Variants in GPHN observed in about 807,000 individuals in gnomAD.
GPHN encodes gephyrin.
A neutral mutation model predicts 95.5 loss-of-function variants in GPHN; 17 were observed. The ratio of observed to expected loss-of-function variants is 0.18; its 90% CI spans 0.12 to 0.27. The LOEUF (loss-of-function observed/expected upper bound fraction) is 0.27, where lower values mean the gene tolerates loss of function less well. Ranked by LOEUF, GPHN falls within the 10% of genes least tolerant of loss-of-function variation. The pLI is 1.00. For synonymous variants in GPHN, 320 were observed against 322.5 expected (o/e 0.99, Z 0.08); for missense variants, 660 against 978.1 (o/e 0.67, Z 4.34).
intron 13 of GPHN, among the ~76,000 whole-genome samples, chr14:67,103,612 T>C (rs1032959186): frequency 6.6e-6 from 1 of 150,934 alleles, no homozygotes; most frequent in Admixed American, 6.6e-5. Flanking sequence ...TGGCTAAATT[T>C]ATTCCTAAAT....
At chr14:66,986,869 T>C (rs1356007791) in intron 9 of GPHN, among the ~76,000 whole-genome samples, 2 of 152,184 alleles carry the variant, frequency 1.3e-5, no homozygotes. Context: ...TTGCCTCTTC[T>C]GCCTTCTTAG....
the GPHN span, among the ~76,000 whole-genome samples, chr14:67,233,799 T>C: frequency 6.6e-6 from 1 of 152,198 alleles, no homozygotes; most frequent in Non-Finnish European, 1.5e-5. Context: ...AAAGAACACC[T>C]GGATAACTGG....
chr14:67,670,717 T>C, the GPHN span, among the ~76,000 whole-genome samples: 2 of 152,118 alleles, frequency 1.3e-5, no homozygotes, highest in Admixed American at 6.5e-5. Flanking sequence ...TGAGTAGAGA[T>C]GGGGTTTCAC....
intron 13 of GPHN, among the ~76,000 whole-genome samples, chr14:67,104,508 G>A (rs1015292209): frequency 2.0e-5 from 3 of 152,086 alleles, no homozygotes; most frequent in Admixed American, 2.0e-4. Context: ...TTCAGTGGGA[G>A]ACTTTATTAC....
chr14:67,112,978 T>C, intron 15 of GPHN, 40 bp from the exon 16 acceptor site: 1 of 1,598,564 alleles, frequency 6.3e-7, no homozygotes, highest in Non-Finnish European at 8.6e-7. Context: ...AAAATGTTGT[T>C]CTCTAATCAC....
chr14:67,409,127 C>T, the GPHN span, among the ~76,000 whole-genome samples: 2,150 of 151,966 alleles, frequency 0.014, 22 homozygotes, highest in Middle Eastern at 0.034. Flanking sequence ...CCTGTAGTCC[C>T]AGCTACTAGG....
At chr14:66,559,143 G>C (rs1278841543) in intron 1 of GPHN, among the ~76,000 whole-genome samples, 1 of 152,052 alleles carries the variant, frequency 6.6e-6, no homozygotes, top group Non-Finnish European at 1.5e-5. Flanking sequence ...TATCATTGTT[G>C]GACATTTGGC....
chr14:66,876,582 A>T (rs2063674535), intron 4 of GPHN, among the ~76,000 whole-genome samples: 1 of 152,216 alleles, frequency 6.6e-6, no homozygotes. Context: ...GATCCCACCA[A>T]AATACAAACT....
chr14:66,809,825 G>A (rs985727342), intron 3 of GPHN, among the ~76,000 whole-genome samples: 1 of 152,010 alleles, frequency 6.6e-6, no homozygotes, highest in East Asian at 1.9e-4. Flanking sequence ...CAACACTTTC[G>A]AGTATAAACT....
At chr14:67,697,813 A>T in the GPHN span, among the ~76,000 whole-genome samples, 1 of 152,192 alleles carries the variant, frequency 6.6e-6, no homozygotes, top group Non-Finnish European at 1.5e-5. Context: ...ACAGACAGAA[A>T]TGTGGGCTTG....
the GPHN span, chr14:67,411,916 C>A: frequency 2.2e-5 from 24 of 1,107,914 alleles, 1 homozygote; most frequent in Admixed American, 6.2e-4. Context: ...GGGATGGGAA[C>A]CAGAGCATGC....
At chr14:67,611,666 C>G in the GPHN span, among the ~76,000 whole-genome samples, 2 of 152,142 alleles carry the variant, frequency 1.3e-5, no homozygotes, top group Non-Finnish European at 1.5e-5. Context: ...AAAAGGCAAG[C>G]AGGTTTTATC....
chr14:66,771,890 A>G (rs1239068818), intron 2 of GPHN, among the ~76,000 whole-genome samples: 2 of 151,958 alleles, frequency 1.3e-5, no homozygotes, highest in Non-Finnish European at 1.5e-5. Context: ...ATATCTATCT[A>G]TTGATGAAAA....
chr14:67,329,985 A>G, the GPHN span, among the ~76,000 whole-genome samples: 9 of 151,324 alleles, frequency 5.9e-5, no homozygotes, highest in Non-Finnish European at 1.2e-4. Context: ...TTGTGAAAGA[A>G]TGGTATTGGC....
chr14:67,182,716 G>T (rs753357084), downstream of GPHN, among the ~76,000 whole-genome samples: 2 of 151,814 alleles, frequency 1.3e-5, no homozygotes, highest in Non-Finnish European at 2.9e-5. Flanking sequence ...AAATAACCAC[G>T]ATATTTAATA....
chr14:67,247,867 C>T, the GPHN span, among the ~76,000 whole-genome samples: 1 of 152,160 alleles, frequency 6.6e-6, no homozygotes, highest in East Asian at 1.9e-4. Context: ...GCATGAGTCA[C>T]AGTGCCTGGC....
chr14:66,926,587 C>G (rs1451972800), intron 8 of GPHN, among the ~76,000 whole-genome samples: 2 of 152,166 alleles, frequency 1.3e-5, no homozygotes, highest in Non-Finnish European at 2.9e-5. Flanking sequence ...TCTAGGTTCT[C>G]TATTCTATTC....
chr14:67,556,726 A>T, the GPHN span, among the ~76,000 whole-genome samples: 741 of 152,316 alleles, frequency 4.9e-3, 5 homozygotes, highest in African/African-American at 0.017. Context: ...TATCTGTTTT[A>T]AAAAAATTTT....
In GPHN at chr14:66,989,583, T is replaced by A. The variant is rs546435878; in HGVS notation, c.963+24258T>A. ...TATTTCACTGAGAAACACTTTGTTCTGATTACCTTGTTTCTAAAAATATTA... is the reference window on the plus strand; with the variant it reads ...TATTTCACTGAGAAACACTTTGTTCAGATTACCTTGTTTCTAAAAATATTA... On this transcript the variant is annotated intron_variant, in intron 9 of 22. Transcript: ENST00000478722. 7.2e-5 allele frequency among the ~76,000 whole-genome samples: 11 copies of A among 151,776 alleles called. No individual in the cohort carries two copies. In the East Asian group the frequency reaches 2.1e-3, roughly 29 times the overall value.
Sources: allele counts gnomAD v4.1 joint callset (sites outside exome capture counted in the v4.1 genomes callset), GRCh38; gene constraint gnomAD v4.1.1; transcripts MANE v1.5; gene names NCBI Gene and HGNC (gene_info 2026-07-23, HGNC 2026-07-21).